The following HAT1 variants were observed in gnomAD, a reference collection of about 807,000 sequenced individuals.
HAT1 encodes histone acetyltransferase 1, also known as histone acetyltransferase type B catalytic subunit.
Under a neutral mutation model 56.6 loss-of-function variants are expected in HAT1, and 20 were observed. That is an observed-to-expected ratio of 0.35 (90% CI 0.25 to 0.51). The LOEUF (loss-of-function observed/expected upper bound fraction) is 0.51, where lower values mean the gene tolerates loss of function less well. Among genes scored for constraint, HAT1 ranks in the 20% least tolerant of loss-of-function variants. The pLI is 0.95. For missense variants in HAT1, 408 were observed against 504.3 expected (o/e 0.81, Z 1.83); for synonymous variants, 146 against 165.5 (o/e 0.88, Z 0.91).
chr2:171,961,235 G>T (rs904814467), intron 4 of HAT1, among the ~76,000 whole-genome samples: 3 of 152,150 alleles, frequency 2.0e-5, no homozygotes, highest in Middle Eastern at 3.2e-3. Flanking sequence ...AGCCCAGGAG[G>T]TCAAGGCTGC....
chr2:171,965,755 T>C (rs1687669129), intron 5 of HAT1, 32 bp from the exon 6 acceptor site: 1 of 1,607,256 alleles, frequency 6.2e-7, no homozygotes, highest in African/African-American at 1.3e-5. Flanking sequence ...TTGTGATGAG[T>C]TTCACCTGAC....
Position 171,971,286 on chromosome 2 carries a change from G to A in HAT1, c.823+4337G>A, listed in dbSNP as rs74796759. 1.9e-3 allele frequency among the ~76,000 whole-genome samples: 285 copies of A among 152,340 alleles called. 2 individuals carry two copies. The highest frequency in any genetic ancestry group is 0.015 in the East Asian group (80 of 5,188). Reference sequence around the variant, plus strand: ...AGTTTTTAATTAAAACAACTTTATTGAGGTATAATTTCCAGACCATAAAAT... The same window carrying A: ...AGTTTTTAATTAAAACAACTTTATTAAGGTATAATTTCCAGACCATAAAAT... On this transcript the variant is annotated intron_variant, in intron 8 of 10. Coordinates refer to ENST00000264108, the MANE Select transcript of HAT1 (RefSeq NM_003642.4).
intron 10 of HAT1, among the ~76,000 whole-genome samples, chr2:171,982,213 A>T (rs1258298294): frequency 6.6e-6 from 1 of 152,128 alleles, no homozygotes; most frequent in African/African-American, 2.4e-5. Flanking sequence ...AAAGGCCAGA[A>T]CTGGGCCGGG....
At chr2:171,957,977 A>T (rs1208244230) in intron 4 of HAT1, among the ~76,000 whole-genome samples, 1 of 152,168 alleles carries the variant, frequency 6.6e-6, no homozygotes, top group African/African-American at 2.4e-5. Context: ...GTTCCTAAAG[A>T]ATTAACAATT....
At position 171,979,253 on chromosome 2, in the gene HAT1, G is replaced by A. The variant is rs1688068872; in HGVS notation, c.982G>A (p.Ala328Thr). Residue 328 changes from alanine to threonine, a missense_variant, in exon 10 of 11, where the codon GCT becomes ACT. By Grantham distance (58) the Ala-to-Thr change is moderately conservative. Transcript: ENST00000264108. ...TTCTTTTGTTTCATTCTAGCAACAC[G>A]CTAGAAGGGTTTATGAAATTCTTCG... ...QQKFKINKQH[A>T]RRVYEILRLL... is the part of the protein sequence containing the mutation. 2.0e-6 allele frequency: 3 copies of A among 1,519,634 alleles called. No individual in the cohort carries two copies. Among genetic ancestry groups the A allele is most frequent in the South Asian group, 2.4e-5 (2 of 84,382 alleles). 94.1% of individuals were successfully genotyped at this position (1,519,634 alleles called of 1,614,324 possible).
chr2:171,956,178 TAAA>T (rs71013096), intron 4 of HAT1, among the ~76,000 whole-genome samples: 5 of 92,840 alleles, frequency 5.4e-5, no homozygotes, highest in Non-Finnish European at 8.2e-5. Flanking sequence ...ACCCTGTCTT[TAAA>T]AAAAAAAAAA....
intron 2 of HAT1, among the ~76,000 whole-genome samples, chr2:171,929,225 A>G (rs1365687088): frequency 6.6e-6 from 1 of 152,148 alleles, no homozygotes; most frequent in East Asian, 1.9e-4. Context: ...AACTAATGCT[A>G]TTAAGGATTG....
chr2:171,960,223 T>C (rs564496667), intron 4 of HAT1, among the ~76,000 whole-genome samples: 1 of 152,246 alleles, frequency 6.6e-6, no homozygotes, highest in South Asian at 2.1e-4. Flanking sequence ...AACATTGCAG[T>C]GTTAGAGGTG....
Position 171,979,240 on chromosome 2 carries a change from A to T in HAT1, c.976-7A>T, listed in dbSNP as rs182750058. Reference sequence around the variant, plus strand: ...AAATGTTCGCATTTTCTTTTGTTTCATTCTAGCAACACGCTAGAAGGGTTT... The same window carrying T: ...AAATGTTCGCATTTTCTTTTGTTTCTTTCTAGCAACACGCTAGAAGGGTTT... On this transcript the variant is annotated splice_region_variant and splice_polypyrimidine_tract_variant and intron_variant, in intron 9 of 10. Coordinates refer to ENST00000264108, the MANE Select transcript of HAT1 (RefSeq NM_003642.4). The T allele has an allele frequency of 1.2e-5, 17 of 1,371,498 alleles. No homozygotes were observed. Among genetic ancestry groups the T allele is most frequent in the Admixed American group, 4.3e-5 (2 of 46,688 alleles). The allele number at this position is 1,371,498 out of a possible 1,614,324, so 85.0% of individuals were successfully genotyped here.
intron 8 of HAT1, among the ~76,000 whole-genome samples, chr2:171,969,423 T>TCAC (rs1203312819): frequency 6.6e-6 from 1 of 152,170 alleles, no homozygotes; most frequent in African/African-American, 2.4e-5. Context: ...AATATGTATG[T>TCAC]TAATATGAGA....
chr2:171,940,399 T>A (rs1300382858), intron 2 of HAT1, among the ~76,000 whole-genome samples: 3 of 152,190 alleles, frequency 2.0e-5, no homozygotes, highest in Non-Finnish European at 4.4e-5. Flanking sequence ...TGCTATTTCA[T>A]TAGTTCTTCT....
intron 2 of HAT1, among the ~76,000 whole-genome samples, chr2:171,943,280 G>A (rs780673567): frequency 4.0e-5 from 6 of 150,232 alleles, no homozygotes; most frequent in Non-Finnish European, 5.9e-5. Flanking sequence ...TTTGGGTGGC[G>A]GGTGCCTGTA....
chr2:171,925,450 C>T (rs1386360507), intron 1 of HAT1, 87 bp from the exon 2 acceptor site: 1 of 687,112 alleles, frequency 1.5e-6, no homozygotes, highest in African/African-American at 1.8e-5. Flanking sequence ...TTAAATCATA[C>T]CCCTATTCCA....
intron 3 of HAT1, among the ~76,000 whole-genome samples, chr2:171,949,595 A>C (rs969484190): frequency 6.6e-6 from 1 of 150,486 alleles, no homozygotes; most frequent in African/African-American, 2.4e-5. Context: ...AATTGCCTGA[A>C]CCTGGGAGGC....
At chr2:171,960,621 C>G (rs572795362) in intron 4 of HAT1, among the ~76,000 whole-genome samples, 4 of 152,278 alleles carry the variant, frequency 2.6e-5, no homozygotes, top group African/African-American at 9.6e-5. Flanking sequence ...AAAATCTCTA[C>G]TAGCCACCAT....
rs1304352607 is a variant in HAT1 at position 171,960,480 on chromosome 2, C to A, written c.310-4858C>A. On this transcript the variant is annotated intron_variant, in intron 4 of 10. Transcript: ENST00000264108. ...CTGCATAGATGGTCAGCAGCCATAA[C>A]ATCTGCTTAGAAGTTATTTCTTATT... Among the ~76,000 whole-genome samples, 5 of 152,306 alleles carry A rather than the reference C, an allele frequency of 3.3e-5. No individual in the cohort carries two copies. The East Asian group carries it at 9.6e-4, about 29-fold the overall frequency.
At chr2:171,949,246 C>T (rs1031911441) in intron 3 of HAT1, among the ~76,000 whole-genome samples, 2 of 151,932 alleles carry the variant, frequency 1.3e-5, no homozygotes, top group Admixed American at 6.6e-5. Flanking sequence ...GGGTCTTGCT[C>T]TGTCACCCAG....
chr2:171,976,449 A>G, intron 9 of HAT1, 141 bp downstream of exon 9: 1 of 393,658 alleles, frequency 2.5e-6, no homozygotes, highest in Non-Finnish European at 4.4e-6. Flanking sequence ...TTTGAAGCCA[A>G]ATTGCCTGAG....
chr2:171,969,270 C>G (rs1687756281), intron 8 of HAT1, among the ~76,000 whole-genome samples: 1 of 152,128 alleles, frequency 6.6e-6, no homozygotes, highest in Non-Finnish European at 1.5e-5. Context: ...ACATTAAGAG[C>G]TAATTATATT....
Sources: allele counts gnomAD v4.1 joint callset (sites outside exome capture counted in the v4.1 genomes callset), GRCh38; gene constraint gnomAD v4.1.1; transcripts MANE v1.5; gene names NCBI Gene and HGNC (gene_info 2026-07-23, HGNC 2026-07-21).